MGST3: variants seen among roughly 807,000 people sequenced by gnomAD.
MGST3 encodes microsomal glutathione S-transferase 3, also known as glutathione S-transferase 3, mitochondrial.
A neutral mutation model predicts 15.8 loss-of-function variants in MGST3; 13 were observed. That is an observed-to-expected ratio of 0.82 (90% CI 0.54 to 1.31). The LOEUF (loss-of-function observed/expected upper bound fraction) is 1.31, where lower values mean the gene tolerates loss of function less well. Among genes scored for constraint, MGST3 ranks in the 50% most tolerant of loss-of-function variants. MGST3 has a pLI of 0.00. For synonymous variants in MGST3, 49 were observed against 68.1 expected (o/e 0.72, Z 1.38); for missense variants, 155 against 192.4 (o/e 0.81, Z 1.15).
At chr1:165,644,741 G>T (rs1055725591) in intron 1 of MGST3, among the ~76,000 whole-genome samples, 1 of 151,998 alleles carries the variant, frequency 6.6e-6, no homozygotes, top group South Asian at 2.1e-4. Flanking sequence ...CATAAAAATT[G>T]TTTCTTTGTT....
intron 1 of MGST3, chr1:165,647,705 T>G (rs746012460): frequency 1.3e-5 from 2 of 151,122 alleles, no homozygotes; most frequent in Non-Finnish European, 2.9e-5. Flanking sequence ...TGTCCTTACA[T>G]TTATTGCTTC....
intron 2 of MGST3, chr1:165,650,383 C>T (rs1007309075): frequency 6.2e-5 from 17 of 273,830 alleles, no homozygotes; most frequent in African/African-American, 3.3e-4. Flanking sequence ...TGAGATTAGC[C>T]TGGACTTAGA....
chr1:165,651,967 G>T lies in MGST3; in HGVS notation c.192-11G>T. The T allele has an allele frequency of 6.3e-7, 1 of 1,596,464 alleles. No homozygotes were observed. Among genetic ancestry groups the T allele is most frequent in the Non-Finnish European group, 8.6e-7 (1 of 1,169,186 alleles). ...GGGCACTTTTTAAAAGTTTCTTTCT[G>T]TCAATTCCAGGTTGGAAGTGTATCC... On this transcript the variant is annotated splice_polypyrimidine_tract_variant and intron_variant, in intron 3 of 5. Transcript: ENST00000367889.
At chr1:165,645,222 A>G (rs892176555) in intron 1 of MGST3, among the ~76,000 whole-genome samples, 2 of 152,140 alleles carry the variant, frequency 1.3e-5, no homozygotes, top group Non-Finnish European at 2.9e-5. Context: ...AATTTTTTCT[A>G]TTTTTAAAAC....
chr1:165,645,846 G>C (rs567205691), intron 1 of MGST3: 170 of 152,274 alleles, frequency 1.1e-3, no homozygotes, highest in African/African-American at 3.8e-3. Context: ...TATACTGCTG[G>C]TTTATGACTA....
chr1:165,649,063 G>C lies in MGST3; in HGVS notation c.-7-778G>C, dbSNP rs192110253. The C allele has an allele frequency of 2.6e-5, 4 of 152,292 alleles. No homozygotes were observed. The East Asian group carries it at 7.7e-4, about 29-fold the overall frequency. 9.4% of individuals were successfully genotyped at this position (152,292 alleles called of 1,614,324 possible). A position where few individuals can be genotyped will look rare whatever the true frequency, so the allele number is the denominator to read the frequency against. The stretch of plus-strand genomic sequence containing the variant: ...GAACACACACCAGAGCTGCTGGCTC[G>C]TGGAAGCCTTTGAAGTGATGATTTG... On this transcript the variant is annotated intron_variant, in intron 1 of 5. Coordinates refer to ENST00000367889, the MANE Select transcript of MGST3 (RefSeq NM_004528.4).
At chr1:165,633,939 T>A (rs1456181336) in intron 1 of MGST3, among the ~76,000 whole-genome samples, 1 of 152,200 alleles carries the variant, frequency 6.6e-6, no homozygotes, top group Non-Finnish European at 1.5e-5. Context: ...AGTTTTTTCC[T>A]TCTCGTAATC....
At position 165,654,318 on chromosome 1, in the gene MGST3, C is replaced by T. The variant is rs779960742; in HGVS notation, c.289C>T (p.Arg97Ter). The change falls in exon 5 of 6, where the codon CGA (arginine) becomes TGA (stop). Residue 97 changes from arginine (R) to a stop codon, truncating the protein, a stop_gained. Transcript: ENST00000367889. LOFTEE classifies it high-confidence loss of function. ...CCTGGGCTTGGCCTGGATTGTTGGA[C>T]GAGTTCTTTATGCTTATGGCTATTA... ...SGLGLAWIVG[R>*]VLYAYGYYTG... 22 of 1,614,016 alleles carry T rather than the reference C, an allele frequency of 1.4e-5. No individual in the cohort carries two copies. Among genetic ancestry groups the T allele is most frequent in the East Asian group, 2.2e-5 (1 of 44,884 alleles).
intron 1 of MGST3, chr1:165,636,792 T>C (rs1462529877): frequency 6.6e-6 from 1 of 152,220 alleles, no homozygotes; most frequent in African/African-American, 2.4e-5. Context: ...AATTTCTCCA[T>C]TGAGCATTGT....
intron 4 of MGST3, chr1:165,653,926 C>T (rs1648629801): frequency 2.9e-6 from 1 of 346,164 alleles, no homozygotes; most frequent in African/African-American, 2.1e-5. Context: ...TGGGGCAGTT[C>T]TCTTTTCTGG....
At chr1:165,645,263 C>CT (rs1264954150) in intron 1 of MGST3, among the ~76,000 whole-genome samples, 1 of 151,984 alleles carries the variant, frequency 6.6e-6, no homozygotes, top group Non-Finnish European at 1.5e-5. Context: ...ACTTTTTAAG[C>CT]TTTTTTTGTT....
chr1:165,631,941 G>A, intron 1 of MGST3: 1 of 362,612 alleles, frequency 2.8e-6, no homozygotes, highest in East Asian at 4.4e-5. Context: ...GACTCTTCAG[G>A]TTCTTCCTTG....
At chr1:165,642,935 C>T (rs1467746028) in intron 1 of MGST3, among the ~76,000 whole-genome samples, 1 of 152,230 alleles carries the variant, frequency 6.6e-6, no homozygotes, top group Admixed American at 6.5e-5. Context: ...TCATTCCATA[C>T]TGCCTGTTCC....
intron 1 of MGST3, among the ~76,000 whole-genome samples, chr1:165,634,110 C>G (rs1236141088): frequency 6.7e-6 from 1 of 149,338 alleles, no homozygotes; most frequent in Non-Finnish European, 1.5e-5. Flanking sequence ...TTTGCTCTCT[C>G]TTCTTGTTAA....
intron 5 of MGST3, among the ~76,000 whole-genome samples, chr1:165,654,759 G>C (rs1648664936): frequency 6.6e-6 from 1 of 152,130 alleles, no homozygotes; most frequent in Admixed American, 6.6e-5. Context: ...GAAGTCACCT[G>C]ATATTTAGGT....
chr1:165,651,920 T>G lies in MGST3; in HGVS notation c.192-58T>G, dbSNP rs915904123. On this transcript the variant is annotated intron_variant, in intron 3 of 5. Transcript: ENST00000367889. ...AAAAAAAAAAAAAAAAATTCATAAT[T>G]CTACACAGGCATACTTAAAAAGGGC... 1.8e-5 allele frequency: 17 copies of G among 937,632 alleles called. No individual in the cohort carries two copies. The African/African-American group carries it at 2.5e-4, about 14-fold the overall frequency. The allele number at this position is 937,632 out of a possible 1,614,324, so 58.1% of individuals were successfully genotyped here. A position where few individuals can be genotyped will look rare whatever the true frequency, so the allele number is the denominator to read the frequency against.
rs546607787 is a variant in MGST3 at position 165,647,218 on chromosome 1, T to C, written c.-7-2623T>C. 2.6e-5 allele frequency: 4 copies of C among 152,328 alleles called. No individual in the cohort carries two copies. In the South Asian group the frequency reaches 8.3e-4, roughly 32 times the overall value. 9.4% of individuals were successfully genotyped at this position (152,328 alleles called of 1,614,324 possible). ...TGCCCATCAAGTTTAACCTCACAGA[T>C]TGCATTTATACTTTAAAAGAGGAGC... On this transcript the variant is annotated intron_variant, in intron 1 of 5. Transcript: ENST00000367889.
At chr1:165,649,754 G>A in intron 1 of MGST3, 87 bp from the exon 2 acceptor site, 1 of 1,550,816 alleles carries the variant, frequency 6.4e-7, no homozygotes. Flanking sequence ...TCATTTGCCA[G>A]TAATAAAGCA....
chr1:165,654,111 A>G, intron 4 of MGST3, 168 bp from the exon 5 acceptor site: 1 of 674,772 alleles, frequency 1.5e-6, no homozygotes, highest in East Asian at 2.8e-5. Context: ...CAGATATTTT[A>G]TTTTCCCGCT....
Sources: gnomAD v4.1 joint callset for allele counts (sites outside exome capture counted in the v4.1 genomes callset) on GRCh38, gnomAD v4.1.1 for gene constraint, MANE v1.5 for transcripts, NCBI Gene and HGNC (gene_info 2026-07-23, HGNC 2026-07-21) for gene names.